The following RIPOR2 variants were observed in gnomAD, a reference collection of about 807,000 sequenced individuals.
RIPOR2 encodes the protein RHO family interacting cell polarization regulator 2.
RIPOR2 carries 39 observed loss-of-function variants against 114.5 expected under a neutral mutation model. That is an observed-to-expected ratio of 0.34 (90% CI 0.26 to 0.44). The LOEUF is 0.44. RIPOR2 is among the 20% of genes least tolerant of loss of function. The pLI is 1.00. For missense variants in RIPOR2, 1,007 were observed against 1,255.1 expected (o/e 0.80, Z 2.99); for synonymous variants, 445 against 484.4 (o/e 0.92, Z 1.07).
chr6:25,031,753 A>ATATTCTATGG (rs1561855958), intron 1 of RIPOR2, among the ~76,000 whole-genome samples: 3 of 104,954 alleles, frequency 2.9e-5, no homozygotes, highest in Non-Finnish European at 5.8e-5. Context: ...ATATATATAA[A>ATATTCTATGG]ATATCCATAG....
At chr6:24,860,878 A>G (rs1322100728) in intron 8 of RIPOR2, 95 bp downstream of exon 8, 12 of 786,668 alleles carry the variant, frequency 1.5e-5, no homozygotes, top group Non-Finnish European at 2.5e-5. Context: ...GCGTCTTTGC[A>G]AGGAAAATAA....
intron 1 of RIPOR2, chr6:25,041,745 AG>A (rs1777467160): frequency 3.2e-6 from 2 of 624,526 alleles, no homozygotes; most frequent in African/African-American, 1.8e-5. Context: ...GAGAGGAGGA[AG>A]GGGGAAAGAT....
At chr6:24,861,729 A>C (rs1764089012) in intron 7 of RIPOR2, among the ~76,000 whole-genome samples, 1 of 152,230 alleles carries the variant, frequency 6.6e-6, no homozygotes, top group Non-Finnish European at 1.5e-5. Context: ...TCCAGGTTAA[A>C]ATACATATAG....
intron 17 of RIPOR2, 82 bp downstream of exon 17, chr6:24,830,427 G>C: frequency 8.6e-7 from 1 of 1,164,564 alleles, no homozygotes; most frequent in South Asian, 1.5e-5. Flanking sequence ...AGTGGTAGGA[G>C]GACCCCTCTC....
chr6:24,848,900 A>C (rs1762581865), intron 11 of RIPOR2, among the ~76,000 whole-genome samples: 1 of 152,132 alleles, frequency 6.6e-6, no homozygotes, highest in Non-Finnish European at 1.5e-5. Flanking sequence ...GTTGTGAACT[A>C]CTAGTGGTTT....
At chr6:24,823,587 C>T (rs965924057) in intron 19 of RIPOR2, among the ~76,000 whole-genome samples, 7 of 151,946 alleles carry the variant, frequency 4.6e-5, no homozygotes, top group Non-Finnish European at 1.0e-4. Context: ...ACCAGGGACA[C>T]AGTAGTCACA....
chr6:24,821,412 G>A (rs1215587931), intron 19 of RIPOR2, among the ~76,000 whole-genome samples: 2 of 151,836 alleles, frequency 1.3e-5, no homozygotes, highest in Admixed American at 6.6e-5. Context: ...TCAAACTCCC[G>A]ACCTCAGGTG....
intron 1 of RIPOR2, chr6:25,041,725 G>T: frequency 1.6e-6 from 1 of 609,814 alleles, no homozygotes; most frequent in Non-Finnish European, 2.9e-6. Context: ...CGGAGCACAG[G>T]AAAGTGGAAG....
At chr6:24,926,808 GT>G (rs1048294015) in intron 1 of RIPOR2, among the ~76,000 whole-genome samples, 1 of 151,982 alleles carries the variant, frequency 6.6e-6, no homozygotes, top group African/African-American at 2.4e-5. Context: ...AAACGCAGCA[GT>G]TTTTTGAGTG....
intron 1 of RIPOR2, among the ~76,000 whole-genome samples, chr6:24,962,818 C>T (rs931980274): frequency 1.3e-4 from 20 of 152,140 alleles, no homozygotes; most frequent in African/African-American, 4.8e-4. Flanking sequence ...TTCAAATTCT[C>T]TAGAAGTATT....
intron 1 of RIPOR2, chr6:25,015,820 G>T (rs899820689): frequency 6.6e-6 from 1 of 150,498 alleles, no homozygotes; most frequent in Middle Eastern, 3.1e-3. Context: ...GAAGGAGGAG[G>T]AGGTCTTTCA....
chr6:24,997,322 C>T (rs186954230), intron 1 of RIPOR2, among the ~76,000 whole-genome samples: 7 of 150,890 alleles, frequency 4.6e-5, no homozygotes, highest in East Asian at 2.0e-4. Flanking sequence ...GTAAACACTG[C>T]GTTAGGCATT....
In RIPOR2 at chr6:24,973,595, CA is replaced by C. The variant is rs61341684; in HGVS notation, c.76+68255del. Among the ~76,000 whole-genome samples, 230 of 129,324 alleles carry C rather than the reference CA, an allele frequency of 1.8e-3. 2 individuals are homozygous for C. Among genetic ancestry groups the C allele is most frequent in the East Asian group, 0.016 (67 of 4,136 alleles). The allele number at this position is 129,324 out of a possible 152,430, so 84.8% of individuals were successfully genotyped here. A position where few individuals can be genotyped will look rare whatever the true frequency, so the allele number is the denominator to read the frequency against. On this transcript the variant is annotated intron_variant, in intron 1 of 13. Coordinates refer to the RIPOR2 transcript ENST00000510784. ...CTAGTGACAGAGTGAGACTGCATCT[CA>C]AAAAAAAAAAAAAAAGTCATCCTTC...
chr6:24,889,878 C>T (rs112931498), intron 1 of RIPOR2, among the ~76,000 whole-genome samples: 2,967 of 151,206 alleles, frequency 0.02, 69 homozygotes, highest in Non-Finnish European at 0.026. Flanking sequence ...CCTGTATGTT[C>T]ATTTTTTTAT....
chr6:24,869,042 T>C, intron 6 of RIPOR2, 52 bp downstream of exon 6: 2 of 1,082,836 alleles, frequency 1.8e-6, no homozygotes, highest in South Asian at 2.7e-5. Context: ...AAGGTGTATT[T>C]GATTAGCAAC....
chr6:24,819,662 A>AT lies in RIPOR2; in HGVS notation c.2869-1038dup, dbSNP rs35638159. Among the ~76,000 whole-genome samples, 845 of 103,294 alleles carry AT rather than the reference A, an allele frequency of 8.2e-3. 21 individuals carry two copies. Among genetic ancestry groups the AT allele is most frequent in the African/African-American group, 0.022 (673 of 30,816 alleles). The allele number at this position is 103,294 out of a possible 152,430, so 67.8% of individuals were successfully genotyped here. ...AGGTGCCCACCACCACGCCCAGCTA[A>AT]TTTTTTTTTTTTTTTTTTTTAGTGG... On this transcript the variant is annotated intron_variant, in intron 19 of 21. Transcript: ENST00000643898.
chr6:24,967,943 C>T (rs370507570), intron 1 of RIPOR2, among the ~76,000 whole-genome samples: 1 of 143,684 alleles, frequency 7.0e-6, no homozygotes. Flanking sequence ...GATGGAGTCT[C>T]GCTCTGTCAC....
intron 1 of RIPOR2, among the ~76,000 whole-genome samples, chr6:24,959,492 G>A (rs553971155): frequency 9.9e-5 from 15 of 152,130 alleles, no homozygotes; most frequent in Non-Finnish European, 2.2e-4. Flanking sequence ...TTTTTCCCAG[G>A]AGGGTGGCCT....
In RIPOR2 at chr6:24,820,869, C is replaced by CTTTTTTTTTTTTTTTTTTTTT; in HGVS notation, c.2869-2265_2869-2245dup. Among the ~76,000 whole-genome samples the CTTTTTTTTTTTTTTTTTTTTT allele has an allele frequency of 2.4e-5, 2 of 84,064 alleles. 1 individual carries two copies. The highest frequency in any genetic ancestry group is 4.3e-5 in the Non-Finnish European group (2 of 46,082). The allele number at this position is 84,064 out of a possible 152,430, so 55.1% of individuals were successfully genotyped here. A position where few individuals can be genotyped will look rare whatever the true frequency, so the allele number is the denominator to read the frequency against. ...TTGTGTGGACATATGGTTTAACACT[C>CTTTTTTTTTTTTTTTTTTTTT]TTTTTTTTTTTTTTTTTTTTTTTGA... On this transcript the variant is annotated intron_variant, in intron 19 of 21. Coordinates refer to ENST00000643898, the MANE Select transcript of RIPOR2 (RefSeq NM_001286445.3).
Sources: gnomAD v4.1 joint callset for allele counts (sites outside exome capture counted in the v4.1 genomes callset) on GRCh38, gnomAD v4.1.1 for gene constraint, MANE v1.5 for transcripts, NCBI Gene and HGNC (gene_info 2026-07-23, HGNC 2026-07-21) for gene names.